ELAPOR2: variants seen among roughly 807,000 people sequenced by gnomAD.
ELAPOR2 encodes endosome/lysosome-associated apoptosis and autophagy regulator family member 2.
In ELAPOR2, 89 loss-of-function variants were observed where a neutral mutation model predicts 120.7. The observed-to-expected ratio is 0.74, with a 90% confidence interval of 0.62 to 0.88. ELAPOR2 has a LOEUF of 0.88. ELAPOR2 is among the 40% of genes least tolerant of loss of function. The probability of loss-of-function intolerance (pLI) is 0.00; values close to 1 mark genes in which losing one functional copy is unlikely to be tolerated. For synonymous variants in ELAPOR2, 444 were observed against 444.9 expected (o/e 1.00, Z 0.03); for missense variants, 1,134 against 1,251.6 (o/e 0.91, Z 1.42).
rs1023607121 is a variant in ELAPOR2, at chr7:86,877,379, G to A, written c.*3092C>T. ...TTCTTTGGGCAAACTCAGTTTAGGA[G>A]TTGGGCCTGTCAACTGCAATCATAT... On this transcript the variant is annotated 3_prime_UTR_variant, in exon 22 of 22. Transcript: ENST00000450689. 6.6e-6 allele frequency: 1 copy of A among 152,132 alleles called. No homozygotes were observed. Among genetic ancestry groups the A allele is most frequent in the Non-Finnish European group, 1.5e-5 (1 of 68,024 alleles). The allele number at this position is 152,132 out of a possible 1,614,324, so 9.4% of individuals were successfully genotyped here. A position where few individuals can be genotyped will look rare whatever the true frequency, so the allele number is the denominator to read the frequency against.
At chr7:87,018,691 G>T (rs1010956275) in intron 1 of ELAPOR2, among the ~76,000 whole-genome samples, 1 of 152,160 alleles carries the variant, frequency 6.6e-6, no homozygotes, top group Non-Finnish European at 1.5e-5. Flanking sequence ...CTACATGAAT[G>T]AGTTTGGACT....
At chr7:86,920,059 A>G (rs1033944619) in intron 10 of ELAPOR2, among the ~76,000 whole-genome samples, 4 of 152,130 alleles carry the variant, frequency 2.6e-5, no homozygotes, top group South Asian at 4.1e-4. Flanking sequence ...TTCCATCTCT[A>G]AAAGAAAATA....
intron 1 of ELAPOR2, among the ~76,000 whole-genome samples, chr7:87,016,364 A>T (rs542178529): frequency 6.4e-4 from 97 of 151,136 alleles, no homozygotes; most frequent in African/African-American, 2.2e-3. Context: ...ATATATATAT[A>T]TTTTCTAATG....
intron 1 of ELAPOR2, among the ~76,000 whole-genome samples, chr7:87,037,773 T>C (rs1405830549): frequency 6.6e-6 from 1 of 152,266 alleles, no homozygotes; most frequent in Non-Finnish European, 1.5e-5. Flanking sequence ...GAAATTATAA[T>C]ATTATTTAAT....
intron 10 of ELAPOR2, among the ~76,000 whole-genome samples, chr7:86,921,508 C>A (rs1789827447): frequency 2.0e-5 from 3 of 152,016 alleles, no homozygotes; most frequent in African/African-American, 7.2e-5. Flanking sequence ...AAGGGATATT[C>A]CCCTAAAGGC....
chr7:87,011,598 A>T (rs1465604275), intron 1 of ELAPOR2, among the ~76,000 whole-genome samples: 1 of 152,244 alleles, frequency 6.6e-6, no homozygotes, highest in South Asian at 2.1e-4. Flanking sequence ...ACATTGTTGT[A>T]TAAAAAATAC....
intron 1 of ELAPOR2, among the ~76,000 whole-genome samples, chr7:87,020,408 G>A (rs117683682): frequency 0.027 from 4,170 of 152,160 alleles, 87 homozygotes; most frequent in Middle Eastern, 0.048. Flanking sequence ...AAAACAAAGT[G>A]TAGTATATAC....
At position 86,914,705 on chromosome 7, in the gene ELAPOR2, A is replaced by C. The variant is rs1208466002; in HGVS notation, c.1731+18T>G. 1.9e-6 allele frequency: 3 copies of C among 1,588,970 alleles called. No homozygotes were observed. The highest frequency in any genetic ancestry group is 2.6e-6 in the Non-Finnish European group (3 of 1,171,096). ...ATTAGTGTGTTTAAAATTTTAAAAA[A>C]AAGTGCTTGGAACTTACATCTTGAC... On this transcript the variant is annotated intron_variant, in intron 13 of 21. Transcript: ENST00000450689.
At chr7:86,895,107 G>A (rs1299487774) in intron 19 of ELAPOR2, among the ~76,000 whole-genome samples, 3 of 151,956 alleles carry the variant, frequency 2.0e-5, no homozygotes, top group East Asian at 1.9e-4. Context: ...GAAACACAAC[G>A]GGATGGTTAA....
At chr7:86,999,681 T>G (rs1767724) in intron 1 of ELAPOR2, among the ~76,000 whole-genome samples, 3 of 151,908 alleles carry the variant, frequency 2.0e-5, no homozygotes, top group Admixed American at 2.0e-4. Flanking sequence ...ATAACTAGCT[T>G]TGTCTATGGT....
chr7:87,000,127 C>T (rs914680085), intron 1 of ELAPOR2, among the ~76,000 whole-genome samples: 1 of 152,074 alleles, frequency 6.6e-6, no homozygotes, highest in African/African-American at 2.4e-5. Context: ...CCATCACACC[C>T]CTCTTTGTGA....
intron 8 of ELAPOR2, among the ~76,000 whole-genome samples, chr7:86,930,870 A>G (rs186906257): frequency 6.6e-6 from 1 of 152,100 alleles, no homozygotes; most frequent in Admixed American, 6.6e-5. Flanking sequence ...CAAATACTTG[A>G]AATACCCTAT....
chr7:87,032,757 T>G (rs966864883), intron 1 of ELAPOR2, among the ~76,000 whole-genome samples: 3 of 152,152 alleles, frequency 2.0e-5, no homozygotes, highest in Non-Finnish European at 4.4e-5. Flanking sequence ...TCAAAGTTCA[T>G]CAGCATAGCA....
intron 17 of ELAPOR2, 57 bp downstream of exon 17, chr7:86,908,390 T>C (rs1368963205): frequency 2.3e-6 from 2 of 860,868 alleles, no homozygotes; most frequent in Non-Finnish European, 3.8e-6. Flanking sequence ...TGGTGTTCCA[T>C]ATATATAAGT....
At chr7:87,017,918 C>CA (rs1207120843) in intron 1 of ELAPOR2, among the ~76,000 whole-genome samples, 1 of 151,522 alleles carries the variant, frequency 6.6e-6, no homozygotes, top group Non-Finnish European at 1.5e-5. Flanking sequence ...GAGACTGTCT[C>CA]AAAAAATAAA....
chr7:87,049,287 TTTA>T (rs1243079864), intron 1 of ELAPOR2, among the ~76,000 whole-genome samples: 2 of 48,808 alleles, frequency 4.1e-5, no homozygotes, highest in Non-Finnish European at 8.2e-5. Context: ...ATTTTATTTA[TTTA>T]TTTTTTTTTG....
At chr7:86,933,809 A>G (rs11983500) in intron 8 of ELAPOR2, among the ~76,000 whole-genome samples, 3,564 of 152,046 alleles carry the variant, frequency 0.023, 127 homozygotes, top group African/African-American at 0.082. Flanking sequence ...GCATTGCTTG[A>G]CATTCACTTT....
intron 1 of ELAPOR2, among the ~76,000 whole-genome samples, chr7:87,032,927 C>G (rs929550679): frequency 1.3e-5 from 2 of 152,072 alleles, no homozygotes; most frequent in Non-Finnish European, 2.9e-5. Flanking sequence ...TAACATCTAC[C>G]TTGGAGGAGA....
chr7:86,927,655 C>G (rs1790135912), intron 8 of ELAPOR2, among the ~76,000 whole-genome samples: 1 of 151,878 alleles, frequency 6.6e-6, no homozygotes, highest in African/African-American at 2.4e-5. Context: ...AGTCAAACCC[C>G]AAAAGCCATT....
Sources: gnomAD v4.1 joint callset for allele counts (sites outside exome capture counted in the v4.1 genomes callset) on GRCh38, gnomAD v4.1.1 for gene constraint, MANE v1.5 for transcripts, NCBI Gene and HGNC (gene_info 2026-07-23, HGNC 2026-07-21) for gene names.